The following GRM5 variants were observed in gnomAD, a reference collection of about 807,000 sequenced individuals.
The protein encoded by GRM5 is glutamate metabotropic receptor 5.
A neutral mutation model predicts 83.1 loss-of-function variants in GRM5; 19 were observed. The ratio of observed to expected loss-of-function variants is 0.23; its 90% confidence interval spans 0.16 to 0.34. The LOEUF is 0.34. Among genes scored for constraint, GRM5 ranks in the 10% least tolerant of loss-of-function variants. GRM5 has a pLI of 1.00. For missense variants in GRM5, 1,160 were observed against 1,588.3 expected, an observed-to-expected ratio of 0.73 and a Z score of 4.58; for synonymous variants, 675 against 633.6, an observed-to-expected ratio of 1.07 and a Z score of -0.98.
chr11:88,617,225 G>T (rs1023316011), intron 4 of GRM5, among the ~76,000 whole-genome samples: 1 of 152,100 alleles, frequency 6.6e-6, no homozygotes, highest in Non-Finnish European at 1.5e-5. Context: ...AAAACTACAT[G>T]GGAAAAATTT....
intron 3 of GRM5, among the ~76,000 whole-genome samples, chr11:88,798,805 C>CAAAAAAAAAAAAAAAAAAAAAAAACAAA (rs4002396): frequency 1.8e-5 from 1 of 55,400 alleles, no homozygotes; most frequent in Non-Finnish European, 3.2e-5. Context: ...ATGAAAACAC[C>CAAAAAAAAAAAAAAAAAAAAAAAACAAA]AAAAAAAAAA....
chr11:88,813,209 G>A (rs1246870676), intron 3 of GRM5, among the ~76,000 whole-genome samples: 2 of 152,056 alleles, frequency 1.3e-5, no homozygotes, highest in African/African-American at 4.8e-5. Context: ...TTTAAATACC[G>A]TCTTTTAGTC....
chr11:88,648,653 TAA>T (rs66739287), intron 4 of GRM5, among the ~76,000 whole-genome samples: 86,850 of 148,330 alleles, frequency 0.59, 27,565 homozygotes, highest in South Asian at 0.8. Context: ...TAAAGTATAA[TAA>T]AAAAAAAAAA....
intron 2 of GRM5, among the ~76,000 whole-genome samples, chr11:88,949,723 G>T (rs770032174): frequency 3.9e-5 from 6 of 152,090 alleles, no homozygotes; most frequent in Non-Finnish European, 2.9e-5. Flanking sequence ...TGCATAAAAA[G>T]TGTTATCTAC....
chr11:88,853,714 TA>T (rs1565262374), intron 2 of GRM5, among the ~76,000 whole-genome samples: 1 of 59,320 alleles, frequency 1.7e-5, no homozygotes, highest in Non-Finnish European at 3.5e-5. Context: ...AATAAAAAAA[TA>T]AACTAGCATA....
At chr11:88,760,285 T>A (rs1424841809) in intron 3 of GRM5, among the ~76,000 whole-genome samples, 1 of 151,696 alleles carries the variant, frequency 6.6e-6, no homozygotes, top group Admixed American at 6.6e-5. Flanking sequence ...AATTGGGGAG[T>A]TGGTTTTTTC....
At chr11:88,899,799 C>A (rs562971023) in intron 2 of GRM5, among the ~76,000 whole-genome samples, 1 of 152,072 alleles carries the variant, frequency 6.6e-6, no homozygotes, top group South Asian at 2.1e-4. Context: ...TTCCACATTT[C>A]TTTGCATAAA....
At chr11:88,921,554 C>T (rs190855218) in intron 2 of GRM5, among the ~76,000 whole-genome samples, 2,800 of 151,900 alleles carry the variant, frequency 0.018, 83 homozygotes, top group African/African-American at 0.062. Flanking sequence ...GGTGGGAACC[C>T]GGGAGGCTGA....
Position 88,583,974 on chromosome 11 carries a change from T to G in GRM5, c.1690+6627A>C, listed in dbSNP as rs115064647. ...ACATTATCCTTACCCAAACCACTGG[T>G]AGATTCACATGGATTTTTGCAAAAT... On this transcript the variant is annotated intron_variant, in intron 7 of 9. Transcript: ENST00000305447. 7.3e-3 allele frequency among the ~76,000 whole-genome samples: 1,108 copies of G among 152,282 alleles called. 11 individuals are homozygous for G. The highest frequency in any genetic ancestry group is 0.026 in the African/African-American group (1,070 of 41,558).
intron 3 of GRM5, among the ~76,000 whole-genome samples, chr11:88,737,314 G>A (rs1252387975): frequency 6.6e-6 from 1 of 152,034 alleles, no homozygotes; most frequent in Non-Finnish European, 1.5e-5. Flanking sequence ...CCCTGCATGT[G>A]TAGCCTCTAC....
At chr11:88,593,185 C>T (rs1205679680) in intron 6 of GRM5, among the ~76,000 whole-genome samples, 1 of 152,140 alleles carries the variant, frequency 6.6e-6, no homozygotes, top group Non-Finnish European at 1.5e-5. Flanking sequence ...TAAATCCTTT[C>T]ATGGAAACTA....
intron 3 of GRM5, among the ~76,000 whole-genome samples, chr11:88,706,195 T>TATC (rs1941152157): frequency 6.6e-6 from 1 of 152,108 alleles, no homozygotes; most frequent in African/African-American, 2.4e-5. Flanking sequence ...TTTGAATGTT[T>TATC]ATCTTCCATC....
At chr11:88,622,889 C>T (rs1050903768) in intron 4 of GRM5, among the ~76,000 whole-genome samples, 4 of 151,940 alleles carry the variant, frequency 2.6e-5, no homozygotes, top group Non-Finnish European at 4.4e-5. Flanking sequence ...TGTGTAATCC[C>T]GGGCAAGTTA....
intron 2 of GRM5, among the ~76,000 whole-genome samples, chr11:88,967,028 C>T (rs770086699): frequency 1.4e-4 from 21 of 152,008 alleles, no homozygotes; most frequent in Non-Finnish European, 2.4e-4. Context: ...CAATGTCATA[C>T]ACCCTATCGG....
rs751918108 is a variant in GRM5 at position 89,047,794 on chromosome 11, C to T, written c.79G>A (p.Val27Met). The change falls in exon 2 of 10, where the codon GTG (valine) becomes ATG (methionine). Residue 27 changes from valine (V) to methionine (M), a missense_variant. By Grantham distance (21) the Val-to-Met change is conservative (BLOSUM62 1). This residue lies in a region of GRM5 where 71 missense variants were observed against 145.8 expected (regional missense o/e 0.49). Coordinates refer to ENST00000305447, the MANE Select transcript of GRM5 (RefSeq NM_001143831.3). This position sits in a 1 kb window ranked among gnomAD's most constrained non-coding sequence, Gnocchi z 5.1. ...RGSAQSSERRVVAHMPGDIII... is the reference protein window; with the variant it reads ...RGSAQSSERRMVAHMPGDIII... Reference sequence around the variant, plus strand: ...ATGTCACCCGGCATGTGAGCCACCACCCTCCTCTCACTGGACTGTGCACTC... The same window carrying T: ...ATGTCACCCGGCATGTGAGCCACCATCCTCCTCTCACTGGACTGTGCACTC... The T allele has an allele frequency of 1.2e-6, 2 of 1,613,818 alleles. No individual in the cohort carries two copies. Among genetic ancestry groups the T allele is most frequent in the Non-Finnish European group, 1.7e-6 (2 of 1,179,744 alleles).
At chr11:88,965,398 T>G (rs1198696144) in intron 2 of GRM5, among the ~76,000 whole-genome samples, 1 of 152,118 alleles carries the variant, frequency 6.6e-6, no homozygotes, top group East Asian at 1.9e-4. Flanking sequence ...AATTAGGTCA[T>G]GAACTCCATG....
At position 88,823,776 on chromosome 11, in the gene GRM5, T is replaced by C. The variant is rs184364041; in HGVS notation, c.911+26130A>G. Among the ~76,000 whole-genome samples the C allele has an allele frequency of 2.8e-3, 428 of 152,234 alleles. 1 individual carries two copies. Among genetic ancestry groups the C allele is most frequent in the Admixed American group, 5.8e-3 (88 of 15,282 alleles). Reference sequence around the variant, plus strand: ...ATTTAGTTTGTAAAAGTTTTCTTATTTCCACATTTCAGTATAGTGCCTTGC... The same window carrying C: ...ATTTAGTTTGTAAAAGTTTTCTTATCTCCACATTTCAGTATAGTGCCTTGC... On this transcript the variant is annotated intron_variant, in intron 3 of 9. Transcript: ENST00000305447.
intron 2 of GRM5, among the ~76,000 whole-genome samples, chr11:89,031,206 T>A (rs879407802): frequency 6.6e-6 from 1 of 151,988 alleles, no homozygotes. Flanking sequence ...CTTAAGCCAG[T>A]AGTAAGATGA....
chr11:88,965,490 T>C (rs1938926337), intron 2 of GRM5, among the ~76,000 whole-genome samples: 1 of 152,106 alleles, frequency 6.6e-6, no homozygotes, highest in Non-Finnish European at 1.5e-5. Flanking sequence ...TTAATTTGGG[T>C]TGACATAAAC....
Sources: gnomAD v4.1 joint callset for allele counts (sites outside exome capture counted in the v4.1 genomes callset) on GRCh38, gnomAD v4.1.1 for gene constraint, gnomAD v4.1.1 regional missense constraint, Gnocchi (gnomAD v3.1) non-coding constraint, MANE v1.5 for transcripts, NCBI Gene and HGNC (gene_info 2026-07-23, HGNC 2026-07-21) for gene names.